MTA3: variants seen among roughly 807,000 people sequenced by gnomAD.
MTA3 encodes metastasis-associated protein MTA3.
MTA3 carries 34 observed loss-of-function variants against 83.5 expected under a neutral mutation model. That is an observed-to-expected ratio of 0.41 (90% confidence interval 0.31 to 0.54). The LOEUF is 0.54. MTA3 is among the 20% of genes least tolerant of loss of function. MTA3 has a pLI of 0.33. For missense variants in MTA3, 761 were observed against 726.4 expected, an observed-to-expected ratio of 1.05 and a Z score of -0.55; for synonymous variants, 303 against 252.7, an observed-to-expected ratio of 1.20 and a Z score of -1.89.
At chr2:42,714,805 A>G (rs922587614) in intron 14 of MTA3, among the ~76,000 whole-genome samples, 2 of 152,168 alleles carry the variant, frequency 1.3e-5, no homozygotes, top group Admixed American at 1.3e-4. Flanking sequence ...GGAGCAGGCA[A>G]TCTAGATCCC....
At chr2:42,696,584 T>G (rs1693408723) in intron 10 of MTA3, among the ~76,000 whole-genome samples, 2 of 150,552 alleles carry the variant, frequency 1.3e-5, no homozygotes, top group Non-Finnish European at 2.9e-5. Flanking sequence ...TTAGATGCTA[T>G]AAAAAAATTT....
chr2:42,679,840 GT>G (rs36100227), intron 8 of MTA3, among the ~76,000 whole-genome samples: 20 of 140,472 alleles, frequency 1.4e-4, no homozygotes, highest in East Asian at 1.0e-3. Flanking sequence ...GCTGTGTGTT[GT>G]TTTTTTTTTT....
chr2:42,686,366 G>T (rs1298182161), intron 9 of MTA3, among the ~76,000 whole-genome samples: 2 of 152,106 alleles, frequency 1.3e-5, no homozygotes, highest in African/African-American at 4.8e-5. Context: ...AAAGTTCTGT[G>T]AGTTTTTATA....
At chr2:42,508,188 T>TACTAAAAAATG (rs1674724620) in intron 2 of MTA3, among the ~76,000 whole-genome samples, 1 of 152,070 alleles carries the variant, frequency 6.6e-6, no homozygotes, top group East Asian at 1.9e-4. Context: ...TGTCACTTCC[T>TACTAAAAAATG]CAGAGAGAAA....
intron 6 of MTA3, among the ~76,000 whole-genome samples, chr2:42,647,599 C>T (rs1275546619): frequency 6.6e-6 from 1 of 151,582 alleles, no homozygotes; most frequent in Non-Finnish European, 1.5e-5. Context: ...AATGCCTTTC[C>T]TTTCTTCAAG....
chr2:42,742,673 C>G (rs1378719963), intron 16 of MTA3, among the ~76,000 whole-genome samples: 2 of 152,172 alleles, frequency 1.3e-5, no homozygotes, highest in Admixed American at 1.3e-4. Flanking sequence ...AGCATAGTCT[C>G]TGACTCATAG....
chr2:42,608,288 C>T (rs1683748996), intron 3 of MTA3, among the ~76,000 whole-genome samples: 1 of 152,092 alleles, frequency 6.6e-6, no homozygotes, highest in African/African-American at 2.4e-5. Context: ...GCTAATAGTG[C>T]CAATGCAGCA....
At chr2:42,748,129 A>T (rs1183780692) in intron 16 of MTA3, among the ~76,000 whole-genome samples, 1 of 151,796 alleles carries the variant, frequency 6.6e-6, no homozygotes, top group African/African-American at 2.4e-5. Context: ...CCTGGGTTCA[A>T]GCGATTCCCC....
At chr2:42,723,225 G>A (rs1376463044) in intron 16 of MTA3, 190 bp downstream of exon 16, 1 of 657,922 alleles carries the variant, frequency 1.5e-6, no homozygotes. Flanking sequence ...CATCCCATCA[G>A]GAGGTACTTA....
intron 16 of MTA3, among the ~76,000 whole-genome samples, chr2:42,747,962 C>G (rs1404609712): frequency 1.3e-5 from 2 of 152,206 alleles, no homozygotes; most frequent in East Asian, 3.9e-4. Context: ...CCCATCTCCC[C>G]CACCTCACCC....
intron 9 of MTA3, among the ~76,000 whole-genome samples, chr2:42,685,550 C>T (rs969326646): frequency 1.3e-5 from 2 of 152,196 alleles, no homozygotes; most frequent in African/African-American, 2.4e-5. Context: ...GCCTTTAGTA[C>T]GAAATCCATC....
intron 2 of MTA3, among the ~76,000 whole-genome samples, chr2:42,522,811 T>C (rs1675486991): frequency 6.7e-6 from 1 of 149,608 alleles, no homozygotes; most frequent in African/African-American, 2.4e-5. Context: ...GTGGTCTTTT[T>C]TTTTTTTTTT....
In MTA3 at chr2:42,752,018, GCTTA is replaced by G. The variant is rs1334733950; in HGVS notation, c.1760-1349_1760-1346del. 6.8e-4 allele frequency among the ~76,000 whole-genome samples: 103 copies of G among 152,302 alleles called. 1 individual carries two copies. Among genetic ancestry groups the G allele is most frequent in the African/African-American group, 2.2e-3 (92 of 41,558 alleles). Reference sequence around the variant, plus strand: ...TCTACATTCAAATCTTGACTCCTCAGCTTACTTACTGTGACCTTGAGCAAGTTCT... The same window carrying G: ...TCTACATTCAAATCTTGACTCCTCAGCTTACTGTGACCTTGAGCAAGTTCT... On this transcript the variant is annotated intron_variant, in intron 16 of 16. Coordinates refer to ENST00000405094, the MANE Select transcript of MTA3 (RefSeq NM_001330442.2).
At chr2:42,733,206 G>A (rs1302883264) in intron 16 of MTA3, among the ~76,000 whole-genome samples, 1 of 152,206 alleles carries the variant, frequency 6.6e-6, no homozygotes, top group African/African-American at 2.4e-5. Context: ...GGTTTAATTG[G>A]ACTTACAGTT....
At chr2:42,647,428 T>C (rs563554864) in intron 6 of MTA3, among the ~76,000 whole-genome samples, 8 of 152,096 alleles carry the variant, frequency 5.3e-5, no homozygotes, top group East Asian at 2.0e-4. Flanking sequence ...GGTTTTGCCA[T>C]GTTGGCCAGG....
intron 14 of MTA3, among the ~76,000 whole-genome samples, chr2:42,710,142 A>G (rs150409361): frequency 6.7e-4 from 102 of 152,352 alleles, no homozygotes; most frequent in African/African-American, 2.2e-3. Flanking sequence ...GAGGATATCA[A>G]TAAAAGGAAT....
At chr2:42,594,893 A>ATTAT (rs72176773) in intron 3 of MTA3, among the ~76,000 whole-genome samples, 6 of 131,352 alleles carry the variant, frequency 4.6e-5, no homozygotes, top group Admixed American at 1.7e-4. Flanking sequence ...CGCCTGGCTA[A>ATTAT]TTATTTATTT....
intron 16 of MTA3, among the ~76,000 whole-genome samples, chr2:42,746,525 T>C (rs1319794755): frequency 6.6e-6 from 1 of 152,144 alleles, no homozygotes; most frequent in Admixed American, 6.5e-5. Context: ...TCAGAACCTA[T>C]AGATTGAGGG....
intron 12 of MTA3, among the ~76,000 whole-genome samples, chr2:42,705,361 A>T (rs1175917824): frequency 1.3e-5 from 2 of 152,216 alleles, no homozygotes; most frequent in Admixed American, 1.3e-4. Context: ...TATTCAAATG[A>T]AAATGAAAAG....
Sources: gnomAD v4.1 joint callset for allele counts (sites outside exome capture counted in the v4.1 genomes callset) on GRCh38, gnomAD v4.1.1 for gene constraint, MANE v1.5 for transcripts, NCBI Gene and HGNC (gene_info 2026-07-23, HGNC 2026-07-21) for gene names.